The following FAF2 variants were observed in gnomAD, a reference collection of about 807,000 sequenced individuals.
The protein encoded by FAF2 is Fas associated factor family member 2, also known as FAS-associated factor 2.
Under a neutral mutation model 62.3 loss-of-function variants are expected in FAF2, and 9 were observed. The observed-to-expected ratio is 0.14, with a 90% CI of 0.09 to 0.25. The LOEUF is 0.25. Among genes scored for constraint, FAF2 ranks in the 10% least tolerant of loss-of-function variants. The pLI, the probability that FAF2 is intolerant of heterozygous loss-of-function variation, is 1.00. For missense variants in FAF2, 368 were observed against 556.2 expected (o/e 0.66, Z 3.40); for synonymous variants, 202 against 198.0 (o/e 1.02, Z -0.17).
Position 176,460,136 on chromosome 5 carries a change from A to G in FAF2, c.63+11666A>G, listed in dbSNP as rs189566463. On this transcript the variant is annotated intron_variant, in intron 1 of 10. Coordinates refer to ENST00000261942, the MANE Select transcript of FAF2 (RefSeq NM_014613.3). ...ATTTTCTTTATTCAGATCACTGTTG[A>G]TGGGCATCTAGGTTGATTCCATGTC... is the stretch of plus-strand genomic sequence containing the variant. Among the ~76,000 whole-genome samples, 316 of 152,262 alleles carry G rather than the reference A, an allele frequency of 2.1e-3. 3 individuals carry two copies. The highest frequency in any genetic ancestry group is 1.8e-3 in the Non-Finnish European group (123 of 68,024).
chr5:176,479,027 C>T (rs1758746942), intron 1 of FAF2, among the ~76,000 whole-genome samples, 161 bp from the exon 2 acceptor site: 1 of 152,190 alleles, frequency 6.6e-6, no homozygotes, highest in South Asian at 2.1e-4. Flanking sequence ...CTAGAACAGT[C>T]AGCTGACTGT....
intron 1 of FAF2, among the ~76,000 whole-genome samples, chr5:176,449,575 CA>C (rs56311951): frequency 0.01 from 1,397 of 139,024 alleles, 12 homozygotes; most frequent in Non-Finnish European, 0.016. Flanking sequence ...AACTCCGTCT[CA>C]AAAAAAAAAA....
chr5:176,472,399 C>T (rs962992071), intron 1 of FAF2, among the ~76,000 whole-genome samples: 1 of 150,766 alleles, frequency 6.6e-6, no homozygotes, highest in Non-Finnish European at 1.5e-5. Context: ...CCCACCTCAG[C>T]CTCCCAAAGT....
intron 3 of FAF2, among the ~76,000 whole-genome samples, chr5:176,487,123 A>G (rs1434612317): frequency 6.6e-6 from 1 of 152,146 alleles, no homozygotes; most frequent in Non-Finnish European, 1.5e-5. Context: ...CACTCCCTTT[A>G]ACATTGCAGC....
At chr5:176,492,379 A>G (rs376963737) in intron 5 of FAF2, 47 bp downstream of exon 5, 11 of 1,570,840 alleles carry the variant, frequency 7.0e-6, no homozygotes, top group East Asian at 6.8e-5. Context: ...AAATGATTCT[A>G]TCCTCAAAGG....
chr5:176,485,822 C>T (rs948246108), intron 2 of FAF2, among the ~76,000 whole-genome samples: 11 of 152,126 alleles, frequency 7.2e-5, no homozygotes, highest in African/African-American at 2.7e-4. Context: ...CCTCTCACCT[C>T]AGCCTCCCAA....
intron 1 of FAF2, among the ~76,000 whole-genome samples, chr5:176,456,514 T>C (rs867043767): frequency 2.0e-5 from 3 of 152,114 alleles, no homozygotes; most frequent in Non-Finnish European, 4.4e-5. Flanking sequence ...TTTGAGGTCC[T>C]TAAGGAATTG....
At chr5:176,470,044 A>G (rs1220874795) in intron 1 of FAF2, among the ~76,000 whole-genome samples, 1 of 152,224 alleles carries the variant, frequency 6.6e-6, no homozygotes, top group African/African-American at 2.4e-5. Flanking sequence ...AAAGGCAGAG[A>G]TGAATGGATT....
chr5:176,448,390 C>G lies in FAF2; in HGVS notation c.-18C>G. 1 of 1,600,938 alleles carries G rather than the reference C, an allele frequency of 6.2e-7. No individual in the cohort carries two copies. The highest frequency in any genetic ancestry group is 8.5e-7 in the Non-Finnish European group (1 of 1,174,322). On this transcript the variant is annotated 5_prime_UTR_variant, in exon 1 of 11. Transcript: ENST00000261942. Reference sequence around the variant, plus strand: ...GGTGACGGTGCGGACGGGTCAGGAGCGTAGAGGCGGCGGCAAAATGGCGGC... The same window carrying G: ...GGTGACGGTGCGGACGGGTCAGGAGGGTAGAGGCGGCGGCAAAATGGCGGC...
At chr5:176,462,668 A>G (rs1273243543) in intron 1 of FAF2, among the ~76,000 whole-genome samples, 2 of 152,178 alleles carry the variant, frequency 1.3e-5, no homozygotes. Context: ...TTGAATCTAA[A>G]TCCTAGAGCA....
intron 2 of FAF2, among the ~76,000 whole-genome samples, chr5:176,485,247 C>T (rs919789799): frequency 6.6e-6 from 1 of 152,158 alleles, no homozygotes; most frequent in Non-Finnish European, 1.5e-5. Flanking sequence ...TTCAGTGCTT[C>T]CAGAGAATTT....
intron 1 of FAF2, among the ~76,000 whole-genome samples, chr5:176,467,843 A>G (rs1272240560): frequency 1.3e-5 from 2 of 152,184 alleles, no homozygotes; most frequent in Non-Finnish European, 2.9e-5. Flanking sequence ...GTAGGAATAA[A>G]TGTGTAATAA....
In FAF2 at chr5:176,509,979, A is replaced by G. The variant is rs1755750014; in HGVS notation, c.*3029A>G. ...TACTGCGCCTGAATAGTCATGTGAT[A>G]ATTTACTGAAGAAATCTAGTGTACT... On this transcript the variant is annotated 3_prime_UTR_variant, in exon 11 of 11. Transcript: ENST00000261942. The G allele has an allele frequency of 3.9e-5, 6 of 152,802 alleles. No homozygotes were observed. In the South Asian group the frequency reaches 1.2e-3, roughly 32 times the overall value. The allele number at this position is 152,802 out of a possible 1,614,324, so 9.5% of individuals were successfully genotyped here. A position where few individuals can be genotyped will look rare whatever the true frequency, so the allele number is the denominator to read the frequency against.
At chr5:176,477,236 TG>T (rs1758716622) in intron 1 of FAF2, among the ~76,000 whole-genome samples, 1 of 125,436 alleles carries the variant, frequency 8.0e-6, no homozygotes, top group Non-Finnish European at 1.6e-5. Flanking sequence ...TGAGCCACCG[TG>T]CCCGGCCTTT....
In FAF2 at chr5:176,492,352, T is replaced by G; in HGVS notation, c.483+20T>G. ...AGCCAGGTCAGTGCCATAAACCATA[T>G]AGATGCCAACTTACCGAAATGATTC... On this transcript the variant is annotated intron_variant, in intron 5 of 10. Transcript: ENST00000261942. 6.2e-7 allele frequency: 1 copy of G among 1,603,180 alleles called. No homozygotes were observed. Among genetic ancestry groups the G allele is most frequent in the South Asian group, 1.1e-5 (1 of 90,102 alleles).
chr5:176,493,451 G>A (rs905220690), intron 5 of FAF2, among the ~76,000 whole-genome samples: 2 of 152,238 alleles, frequency 1.3e-5, no homozygotes, highest in South Asian at 2.1e-4. Context: ...GCAGGAGCAC[G>A]CACAGGAGTC....
intron 2 of FAF2, among the ~76,000 whole-genome samples, chr5:176,484,234 C>T (rs1358777051): frequency 6.6e-6 from 1 of 152,142 alleles, no homozygotes; most frequent in Non-Finnish European, 1.5e-5. Flanking sequence ...CACAGTTTCA[C>T]ATTCTGTGGT....
rs757147324 is a variant in FAF2, at chr5:176,499,105, A to T, written c.1011+20A>T. ...CGGCAGGTAATGGACGTGTGGCTTT[A>T]CTCCCTGTGGTTCCCAAACTGCCGA... On this transcript the variant is annotated intron_variant, in intron 9 of 10. Transcript: ENST00000261942. The T allele has an allele frequency of 1.2e-5, 19 of 1,550,052 alleles. No homozygotes were observed. The highest frequency in any genetic ancestry group is 1.7e-5 in the Non-Finnish European group (19 of 1,146,028).
intron 5 of FAF2, among the ~76,000 whole-genome samples, chr5:176,493,033 G>A (rs962173609): frequency 2.0e-5 from 3 of 152,156 alleles, no homozygotes; most frequent in Admixed American, 6.5e-5. Flanking sequence ...TTAGAGTTCT[G>A]TGGGTGTTTG....
Sources: allele counts gnomAD v4.1 joint callset (sites outside exome capture counted in the v4.1 genomes callset), GRCh38; gene constraint gnomAD v4.1.1; transcripts MANE v1.5; gene names NCBI Gene and HGNC (gene_info 2026-07-23, HGNC 2026-07-21).